Variants in GRIP1 observed in about 807,000 individuals in gnomAD.
GRIP1 encodes glutamate receptor interacting protein 1, also known as glutamate receptor-interacting protein 1.
A neutral mutation model predicts 129.9 loss-of-function variants in GRIP1; 45 were observed. The observed-to-expected ratio is 0.35, with a 90% CI of 0.27 to 0.44. The LOEUF is 0.44. Among genes scored for constraint, GRIP1 ranks in the 20% least tolerant of loss-of-function variants. The pLI is 1.00. For missense variants in GRIP1, 1,196 were observed against 1,396.8 expected (o/e 0.86, Z 2.29); for synonymous variants, 530 against 520.8 (o/e 1.02, Z -0.24).
At chr12:66,957,746 T>C (rs2041864171) in intron 1 of GRIP1, among the ~76,000 whole-genome samples, 1 of 152,208 alleles carries the variant, frequency 6.6e-6, no homozygotes, top group African/African-American at 2.4e-5. Context: ...TCACTGTTGA[T>C]ATTGACCTTG....
At chr12:66,855,702 G>A (rs2039991242) in intron 1 of GRIP1, among the ~76,000 whole-genome samples, 1 of 151,942 alleles carries the variant, frequency 6.6e-6, no homozygotes, top group Non-Finnish European at 1.5e-5. Context: ...TATCCCCAAT[G>A]CTAATAACTA....
chr12:66,972,214 T>C (rs1287749588), intron 1 of GRIP1, among the ~76,000 whole-genome samples: 1 of 152,220 alleles, frequency 6.6e-6, no homozygotes, highest in Non-Finnish European at 1.5e-5. Flanking sequence ...CCTAAGGTTC[T>C]GGGTAGGAAA....
intron 1 of GRIP1, among the ~76,000 whole-genome samples, chr12:66,860,083 A>G (rs1300256759): frequency 2.6e-5 from 4 of 152,082 alleles, no homozygotes; most frequent in Admixed American, 6.6e-5. Flanking sequence ...CAAAATTTAC[A>G]ATTTAATATA....
intron 2 of GRIP1, among the ~76,000 whole-genome samples, chr12:66,579,252 C>A (rs997717082): frequency 1.4e-4 from 21 of 152,220 alleles, no homozygotes; most frequent in South Asian, 6.2e-4. Flanking sequence ...CACCAAAAAC[C>A]CATCTGTACA....
intron 8 of GRIP1, among the ~76,000 whole-genome samples, chr12:66,464,085 G>A (rs1174185767): frequency 6.6e-6 from 1 of 152,188 alleles, no homozygotes; most frequent in East Asian, 1.9e-4. Flanking sequence ...GTGGAGAAGA[G>A]GGCTGGAAAC....
At chr12:66,911,848 A>C (rs1034578951) in intron 1 of GRIP1, among the ~76,000 whole-genome samples, 14 of 152,222 alleles carry the variant, frequency 9.2e-5, no homozygotes, top group African/African-American at 2.9e-4. Context: ...ACTGAGCAAC[A>C]CTGGAGTGAA....
intron 1 of GRIP1, among the ~76,000 whole-genome samples, chr12:66,973,101 A>G (rs1592412211): frequency 6.6e-6 from 1 of 152,148 alleles, no homozygotes; most frequent in Admixed American, 6.5e-5. Context: ...TTCACACAAG[A>G]GTTGCTTCAA....
At chr12:66,777,760 T>C (rs1212161412) in intron 1 of GRIP1, among the ~76,000 whole-genome samples, 2 of 152,124 alleles carry the variant, frequency 1.3e-5, no homozygotes, top group East Asian at 1.9e-4. Context: ...TTTACCTGAG[T>C]ACAGAATAAC....
intron 1 of GRIP1, among the ~76,000 whole-genome samples, chr12:67,001,391 G>T (rs2042548944): frequency 6.6e-6 from 1 of 152,164 alleles, no homozygotes; most frequent in African/African-American, 2.4e-5. Context: ...GGCAATGGAT[G>T]CAAGGCAATA....
intron 1 of GRIP1, among the ~76,000 whole-genome samples, chr12:67,063,802 T>G (rs1228518024): frequency 6.6e-6 from 1 of 152,218 alleles, no homozygotes. Context: ...ACCAATCAGT[T>G]GCTGCAGAAG....
At chr12:66,723,539 C>T (rs559195630) in intron 1 of GRIP1, among the ~76,000 whole-genome samples, 3 of 151,956 alleles carry the variant, frequency 2.0e-5, no homozygotes, top group East Asian at 1.9e-4. Context: ...TCTCAAACTC[C>T]TGACCTCAGG....
chr12:66,460,218 T>A (rs1211628512), intron 9 of GRIP1, among the ~76,000 whole-genome samples: 1 of 152,224 alleles, frequency 6.6e-6, no homozygotes, highest in African/African-American at 2.4e-5. Flanking sequence ...TGGGTATGTC[T>A]AAGTCCCTTG....
chr12:66,786,848 G>T (rs2136826308), intron 1 of GRIP1, among the ~76,000 whole-genome samples: 1 of 152,252 alleles, frequency 6.6e-6, no homozygotes, highest in East Asian at 1.9e-4. Flanking sequence ...CTTTGCTTTT[G>T]CCACTGACCT....
At chr12:66,673,037 G>A in intron 1 of GRIP1, among the ~76,000 whole-genome samples, 1 of 152,060 alleles carries the variant, frequency 6.6e-6, no homozygotes. Context: ...GATTAGTGTG[G>A]TGTTGTCTTG....
Position 66,453,017 on chromosome 12 carries a change from G to A in GRIP1, c.1354+2392C>T, listed in dbSNP as rs61184871. Among the ~76,000 whole-genome samples, 417 of 152,286 alleles carry A rather than the reference G, an allele frequency of 2.7e-3. 3 individuals carry two copies. Among genetic ancestry groups the A allele is most frequent in the African/African-American group, 8.6e-3 (357 of 41,552 alleles). ...AAACATTCTGGTATGTTTATTGTGAGTGGTGCTCTAGTGGCCAATGTCTAC... is the reference window on the plus strand; with the variant it reads ...AAACATTCTGGTATGTTTATTGTGAATGGTGCTCTAGTGGCCAATGTCTAC... On this transcript the variant is annotated intron_variant, in intron 11 of 24. Transcript: ENST00000359742.
intron 1 of GRIP1, among the ~76,000 whole-genome samples, chr12:66,930,039 T>TTCTCTCTC (rs1248824999): frequency 6.3e-5 from 9 of 143,344 alleles, no homozygotes; most frequent in African/African-American, 1.3e-4. Flanking sequence ...GTTACCCAGG[T>TTCTCTCTC]TCTCTCTCTC....
chr12:66,602,706 C>A (rs2064329527), intron 1 of GRIP1, among the ~76,000 whole-genome samples: 1 of 152,014 alleles, frequency 6.6e-6, no homozygotes, highest in Non-Finnish European at 1.5e-5. Flanking sequence ...TGACTTCCCC[C>A]TTCTACCTTC....
At chr12:66,605,795 TCAC>T (rs749333446) in intron 1 of GRIP1, among the ~76,000 whole-genome samples, 6 of 152,308 alleles carry the variant, frequency 3.9e-5, no homozygotes, top group Admixed American at 1.3e-4. Flanking sequence ...GATCAGATAG[TCAC>T]CACTGCTGAG....
At chr12:66,757,245 C>T (rs1236441901) in intron 1 of GRIP1, among the ~76,000 whole-genome samples, 1 of 152,056 alleles carries the variant, frequency 6.6e-6, no homozygotes, top group African/African-American at 2.4e-5. Flanking sequence ...TTCCCTCCCA[C>T]ACTGCCTCTC....
Sources: gnomAD v4.1 joint callset for allele counts (sites outside exome capture counted in the v4.1 genomes callset) on GRCh38, gnomAD v4.1.1 for gene constraint, MANE v1.5 for transcripts, NCBI Gene and HGNC (gene_info 2026-07-23, HGNC 2026-07-21) for gene names.